Variants in ARID1B observed in about 807,000 individuals in gnomAD.
ARID1B encodes AT-rich interactive domain-containing protein 1B.
Under a neutral mutation model 212.3 loss-of-function variants are expected in ARID1B, and 30 were observed. That is an observed-to-expected ratio of 0.14 (90% CI 0.11 to 0.19). The LOEUF is 0.19. ARID1B is among the 10% of genes least tolerant of loss of function. The pLI is 1.00. For missense variants in ARID1B, 2,891 were observed against 3,204.0 expected (o/e 0.90, Z 2.36); for synonymous variants, 1,402 against 1,301.7 (o/e 1.08, Z -1.66).
intron 7 of ARID1B, among the ~76,000 whole-genome samples, chr6:157,139,889 A>G (rs1789215343): frequency 6.6e-6 from 1 of 151,106 alleles, no homozygotes; most frequent in African/African-American, 2.4e-5. Flanking sequence ...TACCCAGCTA[A>G]TTTTTCATAT....
intron 4 of ARID1B, among the ~76,000 whole-genome samples, chr6:157,004,994 C>A (rs1779158254): frequency 7.0e-6 from 1 of 142,202 alleles, no homozygotes; most frequent in South Asian, 2.3e-4. Context: ...CTCACTGCAA[C>A]CTCCACCTCC....
chr6:157,160,965 T>C (rs1426189130), intron 8 of ARID1B, among the ~76,000 whole-genome samples: 3 of 152,226 alleles, frequency 2.0e-5, no homozygotes, highest in Non-Finnish European at 4.4e-5. Flanking sequence ...AACTTCGCAC[T>C]CGCTGCCCTG....
intron 4 of ARID1B, among the ~76,000 whole-genome samples, chr6:157,036,052 C>A (rs1463798621): frequency 6.6e-6 from 1 of 152,156 alleles, no homozygotes; most frequent in East Asian, 1.9e-4. Context: ...CCCACCCACC[C>A]CGTCTTCCTC....
At chr6:156,876,501 C>T (rs1296770005) in intron 2 of ARID1B, among the ~76,000 whole-genome samples, 1 of 152,204 alleles carries the variant, frequency 6.6e-6, no homozygotes, top group East Asian at 1.9e-4. Flanking sequence ...CTCCAGCATC[C>T]CAGTTCCGAG....
At chr6:156,979,589 C>T (rs1235150876) in intron 4 of ARID1B, among the ~76,000 whole-genome samples, 5 of 151,368 alleles carry the variant, frequency 3.3e-5, no homozygotes, top group Admixed American at 1.3e-4. Context: ...GACAAAGTCT[C>T]GCTCTGTCGC....
chr6:157,178,940 A>C (rs1792310890), intron 11 of ARID1B, among the ~76,000 whole-genome samples: 1 of 152,202 alleles, frequency 6.6e-6, no homozygotes, highest in African/African-American at 2.4e-5. Context: ...TGGATCTTAC[A>C]AACAGGATAT....
At chr6:156,928,237 C>T (rs751449771) in intron 3 of ARID1B, among the ~76,000 whole-genome samples, 22 of 152,134 alleles carry the variant, frequency 1.4e-4, no homozygotes, top group Non-Finnish European at 2.2e-4. Context: ...CTTCGGGAGG[C>T]ATTTTCTGAG....
At chr6:156,978,323 A>C (rs1289158732) in intron 4 of ARID1B, among the ~76,000 whole-genome samples, 26 of 152,208 alleles carry the variant, frequency 1.7e-4, no homozygotes, top group Non-Finnish European at 8.8e-5. Context: ...CTCAGGGACC[A>C]AGATCCTTGT....
chr6:156,819,396 T>G (rs1461569364), intron 1 of ARID1B, among the ~76,000 whole-genome samples: 1 of 152,194 alleles, frequency 6.6e-6, no homozygotes, highest in African/African-American at 2.4e-5. Flanking sequence ...TAGATCTAAC[T>G]TACTCTCAAA....
chr6:157,126,919 C>CA (rs1283578987), intron 6 of ARID1B, among the ~76,000 whole-genome samples: 2 of 152,122 alleles, frequency 1.3e-5, no homozygotes, highest in African/African-American at 2.4e-5. Context: ...GCTTGCTATT[C>CA]GCAAACTCTG....
chr6:157,010,403 A>G lies in ARID1B; in HGVS notation c.2248-74259A>G, dbSNP rs563795072. On this transcript the variant is annotated intron_variant, in intron 4 of 19. Transcript: ENST00000636930. ...CAGTGGCTGATCTTGGCTCACTGCA[A>G]CCTCCACCTCCCAGGTTCAAGCGAT... Among the ~76,000 whole-genome samples, 3 of 149,806 alleles carry G rather than the reference A, an allele frequency of 2.0e-5. No individual in the cohort carries two copies. In the South Asian group the frequency reaches 6.3e-4, roughly 32 times the overall value.
intron 13 of ARID1B, chr6:157,186,347 C>G: frequency 1.1e-5 from 5 of 439,846 alleles, no homozygotes; most frequent in Non-Finnish European, 2.4e-5. Flanking sequence ...GGTATACATT[C>G]TTCTCAGTAG....
At chr6:157,139,045 C>T (rs567439091) in intron 7 of ARID1B, among the ~76,000 whole-genome samples, 1 of 152,020 alleles carries the variant, frequency 6.6e-6, no homozygotes, top group African/African-American at 2.4e-5. Flanking sequence ...ATCATCACAT[C>T]ATGATCTTAA....
intron 1 of ARID1B, among the ~76,000 whole-genome samples, chr6:156,821,964 T>C (rs558476506): frequency 1.3e-5 from 2 of 152,298 alleles, no homozygotes; most frequent in East Asian, 1.9e-4. Context: ...AATTTCATGG[T>C]TCTTAGAGTT....
rs753317592 is a variant in ARID1B, at chr6:157,084,778, G to A, written c.2364G>A (p.Ser788=). ...GGGATCAGAGCAACCCGGCGCAGTC[G>A]CCTTTCTCCCCACATGCGTCCCCTC... is the stretch of plus-strand genomic sequence containing the variant. ...SQGDQSNPAQ[S]PFSPHASPHL... The change falls in exon 5 of 20, where the codon TCG becomes TCA. Residue 788 remains serine (S), a synonymous_variant. Transcript: ENST00000636930. The A allele has an allele frequency of 5.0e-6, 8 of 1,613,994 alleles. No homozygotes were observed. Among genetic ancestry groups the A allele is most frequent in the African/African-American group, 1.3e-5 (1 of 74,926 alleles).
intron 2 of ARID1B, among the ~76,000 whole-genome samples, chr6:156,835,111 G>T (rs1174259733): frequency 2.0e-5 from 3 of 151,948 alleles, no homozygotes; most frequent in Non-Finnish European, 4.4e-5. Flanking sequence ...GTGGTGGCGG[G>T]CGCCTGTAGT....
At chr6:157,004,547 C>G (rs1031246967) in intron 4 of ARID1B, among the ~76,000 whole-genome samples, 10 of 152,158 alleles carry the variant, frequency 6.6e-5, no homozygotes, top group Admixed American at 6.5e-4. Flanking sequence ...TTTCATTTCA[C>G]AGATTTTGAA....
At chr6:157,129,473 A>G (rs1233222310) in intron 6 of ARID1B, among the ~76,000 whole-genome samples, 2 of 152,392 alleles carry the variant, frequency 1.3e-5, no homozygotes, top group East Asian at 1.9e-4. Context: ...CCAAAAATAG[A>G]AAACAAGATT....
intron 4 of ARID1B, among the ~76,000 whole-genome samples, chr6:156,949,738 T>C (rs1209011590): frequency 6.6e-6 from 1 of 152,214 alleles, no homozygotes; most frequent in Non-Finnish European, 1.5e-5. Context: ...CTCAGTTTTA[T>C]ATTTTTTATA....
Sources: gnomAD v4.1 joint callset for allele counts (sites outside exome capture counted in the v4.1 genomes callset) on GRCh38, gnomAD v4.1.1 for gene constraint, MANE v1.5 for transcripts, NCBI Gene and HGNC (gene_info 2026-07-23, HGNC 2026-07-21) for gene names.